The following NALCN variants were observed in gnomAD, a reference collection of about 807,000 sequenced individuals.
NALCN encodes sodium leak channel, non-selective, also known as sodium leak channel NALCN.
NALCN carries 111 observed loss-of-function variants against 225.3 expected under a neutral mutation model. That is an observed-to-expected ratio of 0.49 (90% CI 0.42 to 0.58). The LOEUF (loss-of-function observed/expected upper bound fraction) is 0.58, where lower values mean the gene tolerates loss of function less well. Ranked by LOEUF, NALCN falls within the 20% of genes least tolerant of loss-of-function variation. The pLI, the probability that NALCN is intolerant of heterozygous loss-of-function variation, is 0.00. For missense variants in NALCN, 1,378 were observed against 2,202.4 expected, an observed-to-expected ratio of 0.63 and a Z score of 7.49; for synonymous variants, 764 against 769.0, an observed-to-expected ratio of 0.99 and a Z score of 0.11.
Position 101,074,714 on chromosome 13 carries a change from CAGAGACAG to C in NALCN, c.3955-60_3955-53del, listed in dbSNP as rs756223288. 6.5e-6 allele frequency: 8 copies of C among 1,223,902 alleles called. No homozygotes were observed. In the African/African-American group the frequency reaches 7.9e-5, roughly 12 times the overall value. 75.8% of individuals were successfully genotyped at this position (1,223,902 alleles called of 1,614,324 possible). A position where few individuals can be genotyped will look rare whatever the true frequency, so the allele number is the denominator to read the frequency against. On this transcript the variant is annotated intron_variant, in intron 35 of 43. Coordinates refer to ENST00000251127, the MANE Select transcript of NALCN (RefSeq NM_052867.4). ...AGACAGAGAGAGAGAGAGAGAGAGA[CAGAGACAG>C]AGAGAGAGAGAGAGAGAGAGAATAT...
chr13:101,268,343 C>T (rs1282391193), intron 10 of NALCN, among the ~76,000 whole-genome samples: 8 of 152,118 alleles, frequency 5.3e-5, no homozygotes, highest in Non-Finnish European at 1.0e-4. Flanking sequence ...GCAGAAAATG[C>T]TAACAGTCAG....
At chr13:101,372,684 A>C (rs1047810165) in intron 6 of NALCN, among the ~76,000 whole-genome samples, 2 of 152,170 alleles carry the variant, frequency 1.3e-5, no homozygotes, top group African/African-American at 4.8e-5. Flanking sequence ...CAGCTAAAAC[A>C]GTGCTTAGAG....
At chr13:101,059,674 C>A in intron 42 of NALCN, 144 bp downstream of exon 42, 1 of 607,348 alleles carries the variant, frequency 1.6e-6, no homozygotes, top group Non-Finnish European at 2.5e-6. Context: ...TTTCCGTTGC[C>A]TTTTTTTTTT....
rs900880653 is a variant in NALCN at position 101,119,926 on chromosome 13, CT to C, written c.2192+4681del. 1.5e-3 allele frequency among the ~76,000 whole-genome samples: 221 copies of C among 149,846 alleles called. 2 individuals carry two copies. The highest frequency in any genetic ancestry group is 4.9e-3 in the African/African-American group (202 of 40,988). The stretch of plus-strand genomic sequence containing the variant: ...CCTCAAGTTCTGTAAAAATGGCCCA[CT>C]TTTTTTTTTCTCATCAAAGAGTTCT... On this transcript the variant is annotated intron_variant, in intron 18 of 43. Coordinates refer to ENST00000251127, the MANE Select transcript of NALCN (RefSeq NM_052867.4).
intron 1 of NALCN, among the ~76,000 whole-genome samples, chr13:101,412,392 C>T (rs1297212239): frequency 6.6e-6 from 1 of 152,152 alleles, no homozygotes; most frequent in Non-Finnish European, 1.5e-5. Context: ...ATAAATGATT[C>T]TCTTGGCTTC....
Position 101,100,807 on chromosome 13 carries a change from T to A in NALCN, c.3139A>T (p.Asn1047Tyr). Residue 1047 changes from asparagine to tyrosine, a missense_variant, in exon 27 of 44, where the codon AAT (asparagine) becomes TAT (tyrosine). Transcript: ENST00000251127. ...ACCCTTCTAATAATGTTGGGATCAT[T>A]GCACTTGGCCAGTTTTCCAGCAAAA... Reference protein sequence around the residue: ...QLFAGKLAKCNDPNIIRREDC... With the variant: ...QLFAGKLAKCYDPNIIRREDC... The A allele has an allele frequency of 6.2e-7, 1 of 1,610,680 alleles. No homozygotes were observed. The highest frequency in any genetic ancestry group is 8.5e-7 in the Non-Finnish European group (1 of 1,178,308).
In NALCN at chr13:101,124,570, C is replaced by T. The variant is rs556658485; in HGVS notation, c.2192+38G>A. 106 of 1,545,302 alleles carry T rather than the reference C, an allele frequency of 6.9e-5. 1 individual carries two copies. In the South Asian group the frequency reaches 1.0e-3, roughly 15 times the overall value. ...CTATTTTTCGATTAATATAATCCCACTTGTGTTTAAATATGTGTCAACATT... is the reference window on the plus strand; with the variant it reads ...CTATTTTTCGATTAATATAATCCCATTTGTGTTTAAATATGTGTCAACATT... On this transcript the variant is annotated intron_variant, in intron 18 of 43. Transcript: ENST00000251127.
intron 30 of NALCN, among the ~76,000 whole-genome samples, 155 bp from the exon 31 acceptor site, chr13:101,083,959 C>G (rs569124052): frequency 7.9e-5 from 12 of 152,240 alleles, no homozygotes; most frequent in Non-Finnish European, 5.9e-5. Flanking sequence ...GGTCAGAATG[C>G]TCAAAGTTGG....
rs780454704 is a variant in NALCN, at chr13:101,065,430, G to T, written c.4578C>A (p.Gly1526=). The part of the protein sequence containing the change: ...CYEMERLHNG[G]DVTFHDVLSM... ...TCAGGACATCATGGAAGGTGACGTC[G>T]CCGCCATTGTGGAGCCTCTCCATTT... The change falls in exon 40 of 44, where the codon GGC becomes GGA. Residue 1526 remains glycine, a synonymous_variant. Transcript: ENST00000251127. The T allele has an allele frequency of 6.2e-7, 1 of 1,614,012 alleles. No homozygotes were observed. The highest frequency in any genetic ancestry group is 1.3e-5 in the African/African-American group (1 of 74,934).
At chr13:101,311,843 C>T (rs201322226) in intron 7 of NALCN, among the ~76,000 whole-genome samples, 16,413 of 151,614 alleles carry the variant, frequency 0.11, 1,176 homozygotes, top group African/African-American at 0.21. Flanking sequence ...TGTCTCTGCC[C>T]GGCTTTGGTA....
rs748417807 is a variant in NALCN at position 101,074,615 on chromosome 13, C to T, written c.4002G>A (p.Lys1334=). 1 of 1,613,280 alleles carries T rather than the reference C, an allele frequency of 6.2e-7. No homozygotes were observed. The highest frequency in any genetic ancestry group is 1.1e-5 in the South Asian group (1 of 90,874). The change falls in exon 36 of 44, where the codon AAG becomes AAA. Residue 1334 remains lysine (K), a synonymous_variant. Coordinates refer to ENST00000251127, the MANE Select transcript of NALCN (RefSeq NM_052867.4). ...LLLTVVVSMY[K]SFFIIVGMFL... ...ACATGCCTACTATGATAAAGAAGCT[C>T]TTGTACATGCTGACGACCACTGTCA...
rs559956409 is a variant in NALCN at position 101,257,221 on chromosome 13, T to C, written c.1266+1222A>G. ...CTTATTGTTTATTGTTTTTTTTTTT[T>C]TTTTTTGCTAGATTGTAAGCTCCAT... On this transcript the variant is annotated intron_variant, in intron 11 of 43. Coordinates refer to ENST00000251127, the MANE Select transcript of NALCN (RefSeq NM_052867.4). 5.9e-3 allele frequency among the ~76,000 whole-genome samples: 886 copies of C among 150,916 alleles called. 10 individuals are homozygous for C. The highest frequency in any genetic ancestry group is 0.02 in the African/African-American group (827 of 41,226).
intron 18 of NALCN, among the ~76,000 whole-genome samples, chr13:101,119,263 G>T (rs1001940687): frequency 6.6e-6 from 1 of 152,122 alleles, no homozygotes. Flanking sequence ...CTTTTAAAAT[G>T]ATAAGAGAAA....
Position 101,054,674 on chromosome 13 carries a change from C to T in NALCN, c.*621G>A, listed in dbSNP as rs2030987781. The T allele has an allele frequency of 6.6e-6, 1 of 152,186 alleles. No homozygotes were observed. Among genetic ancestry groups the T allele is most frequent in the Non-Finnish European group, 1.5e-5 (1 of 68,028 alleles). The allele number at this position is 152,186 out of a possible 1,614,324, so 9.4% of individuals were successfully genotyped here. A position where few individuals can be genotyped will look rare whatever the true frequency, so the allele number is the denominator to read the frequency against. ...TAGAAGGAGGCAACAGTTTCATTAA[C>T]ATAACTGAGGACAGAAATCAACTTG... On this transcript the variant is annotated 3_prime_UTR_variant, in exon 44 of 44. Transcript: ENST00000251127.
intron 6 of NALCN, among the ~76,000 whole-genome samples, chr13:101,362,780 G>A (rs927625003): frequency 2.6e-5 from 4 of 151,962 alleles, no homozygotes; most frequent in African/African-American, 7.2e-5. Context: ...CATCCAAATT[G>A]GGAAGGAAGA....
At chr13:101,384,352 C>A (rs1245804278) in intron 3 of NALCN, among the ~76,000 whole-genome samples, 1 of 152,006 alleles carries the variant, frequency 6.6e-6, no homozygotes, top group Non-Finnish European at 1.5e-5. Context: ...GCTTCAAGAG[C>A]TGTATATGTC....
chr13:101,082,868 G>T lies in NALCN; in HGVS notation c.3706C>A (p.Pro1236Thr), dbSNP rs2139514331. The change falls in exon 33 of 44, where the codon CCG becomes ACG. Residue 1236 changes from proline (P) to threonine (T), a missense_variant. Transcript: ENST00000251127. ...ATTGTTGCCAAAGGTACGGTCACCG[G>T]GTCCTCGACGTCCCACTGCAACAGA... ...LLSVKWDVED[P>T]VTVPLATMSV... The T allele has an allele frequency of 5.0e-6, 8 of 1,614,148 alleles. No homozygotes were observed. Among genetic ancestry groups the T allele is most frequent in the Non-Finnish European group, 6.8e-6 (8 of 1,180,002 alleles).
intron 1 of NALCN, among the ~76,000 whole-genome samples, chr13:101,405,751 T>TA (rs1304011722): frequency 1.3e-5 from 2 of 152,144 alleles, no homozygotes; most frequent in Non-Finnish European, 2.9e-5. Flanking sequence ...GGGAAAGTGT[T>TA]AAAAACAGAA....
rs148462507 is a variant in NALCN, at chr13:101,104,417, A to T, written c.2767T>A (p.Tyr923Asn). ...MHAPTLQIAE[Y>N]VFVIFMSIEL... ...ATGCTCATGAATATCACAAACACAT[A>T]CTCAGCAATCTGAAACGGGCAAAAG... The change falls in exon 25 of 44, where the codon TAT becomes AAT. Residue 923 changes from tyrosine to asparagine, a missense_variant. Transcript: ENST00000251127. The surrounding 1 kb of genome is among the most constrained non-coding windows in gnomAD (Gnocchi z 4.2). 2.2e-4 allele frequency: 354 copies of T among 1,613,362 alleles called. No homozygotes were observed. The highest frequency in any genetic ancestry group is 2.9e-4 in the Non-Finnish European group (343 of 1,179,536).
Sources: gnomAD v4.1 joint callset for allele counts (sites outside exome capture counted in the v4.1 genomes callset) on GRCh38, gnomAD v4.1.1 for gene constraint, Gnocchi (gnomAD v3.1) non-coding constraint, MANE v1.5 for transcripts, NCBI Gene and HGNC (gene_info 2026-07-23, HGNC 2026-07-21) for gene names.